SLC12A6: variants seen among roughly 807,000 people sequenced by gnomAD.
SLC12A6 encodes solute carrier family 12 member 6.
In SLC12A6, 66 loss-of-function variants were observed where a neutral mutation model predicts 135.3. That is an observed-to-expected ratio of 0.49 (90% CI 0.40 to 0.60). The LOEUF is 0.60. Among genes scored for constraint, SLC12A6 ranks in the 20% least tolerant of loss-of-function variants. The pLI is 0.00. For synonymous variants in SLC12A6, 513 were observed against 508.8 expected, an observed-to-expected ratio of 1.01 and a Z score of -0.11; for missense variants, 1,058 against 1,452.3, an observed-to-expected ratio of 0.73 and a Z score of 4.41.
chr15:34,312,763 C>G (rs749201890), intron 2 of SLC12A6, among the ~76,000 whole-genome samples: 1 of 152,154 alleles, frequency 6.6e-6, no homozygotes, highest in Non-Finnish European at 1.5e-5. Context: ...AACCCTATGT[C>G]AAGCAAGTCT....
intron 17 of SLC12A6, among the ~76,000 whole-genome samples, chr15:34,241,858 T>C (rs1891668049): frequency 2.0e-5 from 3 of 152,254 alleles, no homozygotes; most frequent in Admixed American, 1.3e-4. Flanking sequence ...CTTTGTTTAG[T>C]ACTAATTATT....
chr15:34,239,654 C>A lies in SLC12A6; in HGVS notation c.2437-494G>T, dbSNP rs187879473. On this transcript the variant is annotated intron_variant, in intron 19 of 25. Transcript: ENST00000354181. Reference sequence around the variant, plus strand: ...TCTCCCATTCCCATATGCTTTTTGACATTTTAATGGTGATTATTCATGACA... The same window carrying A: ...TCTCCCATTCCCATATGCTTTTTGAAATTTTAATGGTGATTATTCATGACA... Among the ~76,000 whole-genome samples, 13 of 152,222 alleles carry A rather than the reference C, an allele frequency of 8.5e-5. No individual in the cohort carries two copies. In the East Asian group the frequency reaches 2.5e-3, roughly 29 times the overall value.
chr15:34,237,600 A>G (rs1176478839), intron 21 of SLC12A6, 50 bp from the exon 22 acceptor site: 2 of 1,530,054 alleles, frequency 1.3e-6, no homozygotes, highest in Admixed American at 1.7e-5. Flanking sequence ...GAGGCAAAAA[A>G]GGTTATTTCC....
rs369763592 is a variant in SLC12A6, at chr15:34,249,567, T to C, written c.1649+731A>G. ...GGGCAACAGAGCAAGACCTTGTCTC[T>C]AAATAAATAAGTAGAAAAGAAAAGA... On this transcript the variant is annotated intron_variant, in intron 13 of 25. Transcript: ENST00000354181. 5.3e-4 allele frequency among the ~76,000 whole-genome samples: 81 copies of C among 152,142 alleles called. 1 individual carries two copies. In the East Asian group the frequency reaches 0.014, roughly 26 times the overall value.
At chr15:34,292,853 T>C (rs1895634082) in intron 2 of SLC12A6, among the ~76,000 whole-genome samples, 1 of 152,202 alleles carries the variant, frequency 6.6e-6, no homozygotes, top group Non-Finnish European at 1.5e-5. Flanking sequence ...GTCTGATGGT[T>C]GTGAAGACTG....
Position 34,230,739 on chromosome 15 carries a change from AG to A in SLC12A6, c.*3141del, listed in dbSNP as rs1890868600. ...AAAAGAGATGAGAGACTTTGGAGAC[AG>A]ACAACGTAAGCAACACATACACACA... On this transcript the variant is annotated 3_prime_UTR_variant, in exon 26 of 26. Coordinates refer to ENST00000354181, the MANE Select transcript of SLC12A6 (RefSeq NM_001365088.1). 1 of 104,980 alleles carries A rather than the reference AG, an allele frequency of 9.5e-6. No homozygotes were observed. The highest frequency in any genetic ancestry group is 3.5e-4 in the South Asian group (1 of 2,896). The allele number at this position is 104,980 out of a possible 1,614,324, so 6.5% of individuals were successfully genotyped here.
At chr15:34,281,644 T>G (rs1303727705) in intron 2 of SLC12A6, among the ~76,000 whole-genome samples, 4 of 152,076 alleles carry the variant, frequency 2.6e-5, no homozygotes, top group Non-Finnish European at 4.4e-5. Flanking sequence ...AAAAATTAGC[T>G]GGGCATGGTG....
At chr15:34,264,562 T>C (rs1893365206) in intron 3 of SLC12A6, among the ~76,000 whole-genome samples, 1 of 152,152 alleles carries the variant, frequency 6.6e-6, no homozygotes, top group Admixed American at 6.5e-5. Context: ...AAAAGACATA[T>C]CAACTAATTG....
chr15:34,336,624 C>T lies in SLC12A6; in HGVS notation c.57G>A (p.Pro19=), dbSNP rs779094623. 8.7e-6 allele frequency: 14 copies of T among 1,613,570 alleles called. No individual in the cohort carries two copies. Among genetic ancestry groups the T allele is most frequent in the Middle Eastern group, 1.6e-4 (1 of 6,062 alleles). Residue 19 remains proline, a synonymous_variant, in exon 2 of 26, where the codon CCG becomes CCA. Coordinates refer to ENST00000354181, the MANE Select transcript of SLC12A6 (RefSeq NM_001365088.1). The part of the protein sequence containing the change: ...KMASVRFMVT[P]TKIDDIPGLS... ...AACCTGGAATGTCATCGATCTTTGT[C>T]GGTGTCACCATGAACCGAACTGAAG... is the stretch of plus-strand genomic sequence containing the variant.
chr15:34,260,949 C>G lies in SLC12A6; in HGVS notation c.388G>C (p.Asp130His). Reference sequence around the variant, plus strand: ...ACCTCAAAGAGTGCCAAATTTTTATCAAAATATTCATCTCCTTCTTCATAA... The same window carrying G: ...ACCTCAAAGAGTGCCAAATTTTTATGAAAATATTCATCTCCTTCTTCATAA... ...SNYEEGDEYF[D>H]KNLALFEEEM... The change falls in exon 4 of 26, where the codon GAT becomes CAT. Residue 130 changes from aspartate to histidine, a missense_variant. Physicochemically the swap from Asp to His is moderately conservative, Grantham distance 81. This residue lies in a region of SLC12A6 where 176 missense variants were observed against 168.9 expected (regional missense o/e 1.04). Transcript: ENST00000354181. 6.6e-7 allele frequency: 1 copy of G among 1,511,058 alleles called. No individual in the cohort carries two copies. Among genetic ancestry groups the G allele is most frequent in the South Asian group, 1.1e-5 (1 of 88,880 alleles). 93.6% of individuals were successfully genotyped at this position (1,511,058 alleles called of 1,614,324 possible).
At chr15:34,283,101 G>T (rs1894795481) in intron 2 of SLC12A6, among the ~76,000 whole-genome samples, 1 of 152,298 alleles carries the variant, frequency 6.6e-6, no homozygotes, top group Middle Eastern at 3.4e-3. Context: ...CCAGCACTTT[G>T]GGAGGCCAAG....
intron 2 of SLC12A6, among the ~76,000 whole-genome samples, chr15:34,281,811 A>G (rs1266594651): frequency 6.6e-6 from 1 of 152,136 alleles, no homozygotes; most frequent in Non-Finnish European, 1.5e-5. Context: ...AAATAAGTAA[A>G]AAATAGTAGG....
chr15:34,337,120 G>T lies in SLC12A6; in HGVS notation c.-73+212C>A, dbSNP rs181666401. On this transcript the variant is annotated intron_variant, in intron 1 of 25. Transcript: ENST00000354181. ...GAGTGTCCCACGGTTCTAGTTGGGC[G>T]AAGTGCGTGCAGGCAAACCTTTATC... 19 of 280,634 alleles carry T rather than the reference G, an allele frequency of 6.8e-5. No individual in the cohort carries two copies. In the East Asian group the frequency reaches 1.5e-3, roughly 22 times the overall value. The allele number at this position is 280,634 out of a possible 1,614,324, so 17.4% of individuals were successfully genotyped here. A position where few individuals can be genotyped will look rare whatever the true frequency, so the allele number is the denominator to read the frequency against.
chr15:34,336,822 C>T (rs1402351180), intron 1 of SLC12A6, 70 bp from the exon 2 acceptor site: 6 of 724,348 alleles, frequency 8.3e-6, no homozygotes, highest in Non-Finnish European at 1.5e-5. Context: ...ACAAAAAGCC[C>T]CAACTAAGAA....
intron 20 of SLC12A6, 89 bp downstream of exon 20, chr15:34,238,876 G>T: frequency 2.6e-6 from 3 of 1,146,378 alleles, no homozygotes; most frequent in Non-Finnish European, 4.0e-6. Context: ...CAATGGCATA[G>T]TCTCTACTTT....
At position 34,257,685 on chromosome 15, in the gene SLC12A6, C is replaced by G; in HGVS notation, c.647G>C (p.Gly216Ala). 6.2e-7 allele frequency: 1 copy of G among 1,613,346 alleles called. No homozygotes were observed. The highest frequency in any genetic ancestry group is 8.5e-7 in the Non-Finnish European group (1 of 1,179,350). Residue 216 changes from glycine (G) to alanine (A), a missense_variant, in exon 6 of 26, where the codon GGA becomes GCA. By Grantham distance (60) the Gly-to-Ala change is moderately conservative (BLOSUM62 0). This residue lies in a region of SLC12A6 where 139 missense variants were observed against 202.2 expected (regional missense o/e 0.69). Coordinates refer to ENST00000354181, the MANE Select transcript of SLC12A6 (RefSeq NM_001365088.1). Reference protein sequence around the residue: ...LRLTWVVGTAGVLQAFAIVLI... With the variant: ...LRLTWVVGTAAVLQAFAIVLI... ...GACAATTGCAAAAGCCTGAAGAACTCCAGCTGTGCCCACCACCCATGTAAG... is the reference window on the plus strand; with the variant it reads ...GACAATTGCAAAAGCCTGAAGAACTGCAGCTGTGCCCACCACCCATGTAAG...
At chr15:34,330,595 A>C (rs1889771977) in intron 2 of SLC12A6, among the ~76,000 whole-genome samples, 1 of 151,982 alleles carries the variant, frequency 6.6e-6, no homozygotes, top group African/African-American at 2.4e-5. Context: ...TTGAGCTCAG[A>C]AAGTTGAGGC....
chr15:34,265,829 T>G lies in SLC12A6; in HGVS notation c.317-4809A>C, dbSNP rs895186005. 3.3e-5 allele frequency among the ~76,000 whole-genome samples: 5 copies of G among 152,106 alleles called. No homozygotes were observed. The East Asian group carries it at 7.7e-4, about 24-fold the overall frequency. On this transcript the variant is annotated intron_variant, in intron 3 of 25. Transcript: ENST00000354181. ...GATCCTAAAGCAGAACCAATTCAAG[T>G]GAATTCATAAAGCAGAAAGGACAAT...
intron 3 of SLC12A6, among the ~76,000 whole-genome samples, chr15:34,267,666 T>C (rs966104505): frequency 1.3e-5 from 2 of 152,232 alleles, no homozygotes; most frequent in Non-Finnish European, 2.9e-5. Context: ...ATGAGCAACA[T>C]TGTGAGACCT....
Sources: gnomAD v4.1 joint callset for allele counts (sites outside exome capture counted in the v4.1 genomes callset) on GRCh38, gnomAD v4.1.1 for gene constraint, gnomAD v4.1.1 regional missense constraint, MANE v1.5 for transcripts, NCBI Gene and HGNC (gene_info 2026-07-23, HGNC 2026-07-21) for gene names.